Variants in NLGN1 observed in about 807,000 individuals in gnomAD.
NLGN1 encodes the protein neuroligin-1.
A neutral mutation model predicts 65.5 loss-of-function variants in NLGN1; 12 were observed. That is an observed-to-expected ratio of 0.18 (90% confidence interval 0.12 to 0.30). NLGN1 has a LOEUF of 0.30. Among genes scored for constraint, NLGN1 ranks in the 10% least tolerant of loss-of-function variants. The probability of loss-of-function intolerance (pLI) is 1.00; values close to 1 mark genes in which losing one functional copy is unlikely to be tolerated. For synonymous variants in NLGN1, 350 were observed against 359.5 expected, an observed-to-expected ratio of 0.97 and a Z score of 0.30; for missense variants, 750 against 1,007.1, an observed-to-expected ratio of 0.74 and a Z score of 3.46.
intron 4 of NLGN1, among the ~76,000 whole-genome samples, chr3:174,088,176 CAT>C (rs1168404680): frequency 1.6e-4 from 25 of 152,132 alleles, no homozygotes; most frequent in African/African-American, 5.5e-4. Context: ...ACATTAGTAA[CAT>C]AAGTGAATGA....
chr3:174,118,404 CA>C (rs1156527125), intron 4 of NLGN1, among the ~76,000 whole-genome samples: 3 of 152,058 alleles, frequency 2.0e-5, no homozygotes, highest in African/African-American at 7.2e-5. Context: ...AATTAATTTC[CA>C]AAGCCTGTTT....
At chr3:174,143,435 G>A (rs930267366) in intron 4 of NLGN1, among the ~76,000 whole-genome samples, 6 of 152,036 alleles carry the variant, frequency 3.9e-5, no homozygotes, top group South Asian at 2.1e-4. Context: ...TTATCACCTC[G>A]ACAAAGGGCA....
chr3:173,800,300 T>A lies in NLGN1; in HGVS notation c.494-7380T>A, dbSNP rs190284504. ...CTCCGTTCTCAATCCTAGGTCCCCTTACAAAGAAACAGACAGATGATTTAG... is the reference window on the plus strand; with the variant it reads ...CTCCGTTCTCAATCCTAGGTCCCCTAACAAAGAAACAGACAGATGATTTAG... On this transcript the variant is annotated intron_variant, in intron 3 of 6. Transcript: ENST00000457714. The A allele has an allele frequency of 4.2e-6, 5 of 1,199,400 alleles. No homozygotes were observed. In the African/African-American group the frequency reaches 6.4e-5, roughly 15 times the overall value. The allele number at this position is 1,199,400 out of a possible 1,614,324, so 74.3% of individuals were successfully genotyped here. A position where few individuals can be genotyped will look rare whatever the true frequency, so the allele number is the denominator to read the frequency against.
chr3:174,046,895 G>A (rs1474317215), intron 4 of NLGN1, among the ~76,000 whole-genome samples: 1 of 152,006 alleles, frequency 6.6e-6, no homozygotes. Context: ...GGGTATGAGA[G>A]TTGTATAGTA....
intron 2 of NLGN1, among the ~76,000 whole-genome samples, chr3:173,591,234 T>C (rs1748428825): frequency 6.6e-6 from 1 of 152,212 alleles, no homozygotes; most frequent in South Asian, 2.1e-4. Context: ...TGATATACTA[T>C]TTGTGTTACA....
At chr3:173,718,415 G>A (rs1770241968) in intron 3 of NLGN1, among the ~76,000 whole-genome samples, 1 of 151,738 alleles carries the variant, frequency 6.6e-6, no homozygotes, top group African/African-American at 2.4e-5. Flanking sequence ...TTTGTTTCTG[G>A]CTTATTTCAC....
At chr3:173,439,597 A>G (rs1341280793) in intron 2 of NLGN1, among the ~76,000 whole-genome samples, 3 of 151,992 alleles carry the variant, frequency 2.0e-5, no homozygotes, top group Non-Finnish European at 4.4e-5. Context: ...CATCACTGCA[A>G]TAAAGCAAAT....
At chr3:173,869,921 C>T (rs1730861734) in intron 4 of NLGN1, among the ~76,000 whole-genome samples, 1 of 152,106 alleles carries the variant, frequency 6.6e-6, no homozygotes, top group African/African-American at 2.4e-5. Flanking sequence ...GCATCTGATT[C>T]AGATAAATTG....
the NLGN1 span, among the ~76,000 whole-genome samples, chr3:174,292,340 A>C: frequency 2.0e-5 from 3 of 151,396 alleles, no homozygotes; most frequent in Non-Finnish European, 4.4e-5. Flanking sequence ...GGAACAAACC[A>C]TAGAAGGTGA....
intron 3 of NLGN1, among the ~76,000 whole-genome samples, chr3:173,799,291 G>A (rs1165897327): frequency 6.6e-6 from 1 of 151,982 alleles, no homozygotes; most frequent in East Asian, 1.9e-4. Context: ...AAGAATGTGA[G>A]ACTTCACTTG....
At chr3:173,465,851 G>T (rs1724255882) in intron 2 of NLGN1, among the ~76,000 whole-genome samples, 1 of 152,200 alleles carries the variant, frequency 6.6e-6, no homozygotes, top group African/African-American at 2.4e-5. Flanking sequence ...TCCATCGACA[G>T]TGTGAAGTAT....
At chr3:174,198,844 C>CT (rs56752477) in intron 4 of NLGN1, among the ~76,000 whole-genome samples, 4,486 of 99,642 alleles carry the variant, frequency 0.045, 367 homozygotes, top group African/African-American at 0.093. Context: ...TGACTAGATT[C>CT]TTTTTTTTTT....
the NLGN1 span, among the ~76,000 whole-genome samples, chr3:174,293,782 T>C: frequency 6.6e-6 from 1 of 151,628 alleles, no homozygotes; most frequent in Non-Finnish European, 1.5e-5. Context: ...AGAATATCTA[T>C]ACAATAAAAT....
Position 174,280,949 on chromosome 3 carries a change from T to A in NLGN1, c.2118T>A (p.His706Gln), listed in dbSNP as rs139212189. ...ACTACAAAAAGGATAAGAGGAGACATGATGTTCACAGGAGATGCAGCCCTC... is the reference window on the plus strand; with the variant it reads ...ACTACAAAAAGGATAAGAGGAGACAAGATGTTCACAGGAGATGCAGCCCTC... The change falls in exon 7 of 7, where the codon CAT becomes CAA. Residue 706 changes from histidine (H) to glutamine (Q), a missense_variant. Transcript: ENST00000457714. This position sits in a 1 kb window ranked among gnomAD's most constrained non-coding sequence, Gnocchi z 4.9. 5.0e-6 allele frequency: 8 copies of A among 1,613,190 alleles called. No individual in the cohort carries two copies. The African/African-American group carries it at 1.1e-4, about 22-fold the overall frequency.
intron 4 of NLGN1, among the ~76,000 whole-genome samples, chr3:173,964,758 A>G (rs530734760): frequency 4.9e-4 from 75 of 152,354 alleles, no homozygotes; most frequent in Admixed American, 7.8e-4. Flanking sequence ...TGATAGATTT[A>G]TATATTTATG....
At chr3:173,631,396 G>A (rs1278992385) in intron 3 of NLGN1, among the ~76,000 whole-genome samples, 8 of 151,766 alleles carry the variant, frequency 5.3e-5, no homozygotes, top group Non-Finnish European at 7.4e-5. Context: ...TTTTACTCCC[G>A]AACAGCAAAA....
chr3:174,129,818 G>T (rs1719786136), intron 4 of NLGN1, among the ~76,000 whole-genome samples: 1 of 152,228 alleles, frequency 6.6e-6, no homozygotes, highest in South Asian at 2.1e-4. Context: ...AAAAGAGGTT[G>T]CAGTGGGTCC....
At chr3:174,093,854 C>G (rs1744969801) in intron 4 of NLGN1, among the ~76,000 whole-genome samples, 2 of 152,150 alleles carry the variant, frequency 1.3e-5, no homozygotes, top group South Asian at 4.1e-4. Context: ...AACATATATG[C>G]ATTCTAAAGT....
chr3:173,861,042 T>G (rs909924619), intron 4 of NLGN1, among the ~76,000 whole-genome samples: 1 of 152,216 alleles, frequency 6.6e-6, no homozygotes, highest in Non-Finnish European at 1.5e-5. Context: ...TTCTTTTTCC[T>G]TCTCTATCAC....
Sources: gnomAD v4.1 joint callset for allele counts (sites outside exome capture counted in the v4.1 genomes callset) on GRCh38, gnomAD v4.1.1 for gene constraint, Gnocchi (gnomAD v3.1) non-coding constraint, MANE v1.5 for transcripts, NCBI Gene and HGNC (gene_info 2026-07-23, HGNC 2026-07-21) for gene names.